The following PPARGC1A variants were observed in gnomAD, a reference collection of about 807,000 sequenced individuals.
PPARGC1A encodes the protein PPARG coactivator 1 alpha.
Under a neutral mutation model 88.7 loss-of-function variants are expected in PPARGC1A, and 25 were observed. The observed-to-expected ratio is 0.28, with a 90% CI of 0.21 to 0.39. The LOEUF (loss-of-function observed/expected upper bound fraction) is 0.39. PPARGC1A is among the 10% of genes least tolerant of loss of function. PPARGC1A has a pLI of 1.00. For synonymous variants in PPARGC1A, 363 were observed against 355.6 expected, an observed-to-expected ratio of 1.02 and a Z score of -0.24; for missense variants, 880 against 968.7, an observed-to-expected ratio of 0.91 and a Z score of 1.22.
the PPARGC1A span, among the ~76,000 whole-genome samples, chr4:23,927,281 A>G: frequency 6.6e-6 from 1 of 152,214 alleles, no homozygotes; most frequent in African/African-American, 2.4e-5. Flanking sequence ...CCACTTTTAC[A>G]CCATCATAAA....
the PPARGC1A span, among the ~76,000 whole-genome samples, chr4:23,975,748 C>T: frequency 2.0e-5 from 3 of 152,158 alleles, no homozygotes; most frequent in African/African-American, 7.2e-5. Context: ...AAGAGCATAA[C>T]AATAAATAGT....
Position 23,824,488 on chromosome 4 carries a change from G to A in PPARGC1A, c.778C>T (p.Leu260Phe). 1 of 1,607,566 alleles carries A rather than the reference G, an allele frequency of 6.2e-7. No homozygotes were observed. Among genetic ancestry groups the A allele is most frequent in the Non-Finnish European group, 8.5e-7 (1 of 1,175,156 alleles). The change falls in exon 6 of 13, where the codon CTT becomes TTT. Residue 260 changes from leucine (L) to phenylalanine (F), a missense_variant. Leu to Phe is a conservative substitution (Grantham distance 22). Transcript: ENST00000264867. ...HLQAKPTTLS[L>F]PLTPESPNDP... ...TTTGGTGACTCTGGGGTCAGAGGAA[G>A]AGATAAAGTTGTTGGTTTGGCTAAA...
chr4:24,077,792 CTGTTA>C, the PPARGC1A span, among the ~76,000 whole-genome samples: 3 of 151,936 alleles, frequency 2.0e-5, no homozygotes, highest in African/African-American at 7.2e-5. Flanking sequence ...TCCATTTTAT[CTGTTA>C]TATCTTTCTG....
At chr4:24,238,743 ATATGTGTGTGTG>A in the PPARGC1A span, among the ~76,000 whole-genome samples, 26 of 118,644 alleles carry the variant, frequency 2.2e-4, no homozygotes, top group African/African-American at 3.2e-4. Context: ...CCAAGGTTGT[ATATGTGTGTGTG>A]TGTGTGTGTG....
chr4:23,887,199 G>A (rs1293482989), intron 1 of PPARGC1A, among the ~76,000 whole-genome samples: 9 of 150,164 alleles, frequency 6.0e-5, no homozygotes, highest in Admixed American at 3.4e-4. Flanking sequence ...TTGTTCGCTC[G>A]TGCGCTCTCT....
the PPARGC1A span, among the ~76,000 whole-genome samples, chr4:24,343,217 A>G: frequency 6.6e-6 from 1 of 152,342 alleles, no homozygotes; most frequent in Non-Finnish European, 1.5e-5. Flanking sequence ...CATGGCAATC[A>G]ATTCAGGAAA....
chr4:23,893,589 T>C (rs73805849), upstream of PPARGC1A, among the ~76,000 whole-genome samples: 3,025 of 152,258 alleles, frequency 0.02, 101 homozygotes, highest in African/African-American at 0.068. Context: ...AGCAAGTTGC[T>C]AGTAAATTCC....
the PPARGC1A span, among the ~76,000 whole-genome samples, chr4:24,137,672 G>A: frequency 6.6e-6 from 1 of 152,158 alleles, no homozygotes; most frequent in Non-Finnish European, 1.5e-5. Flanking sequence ...AGCACAGTGG[G>A]CATAGAGAAT....
At chr4:24,051,947 A>T in the PPARGC1A span, among the ~76,000 whole-genome samples, 6 of 152,098 alleles carry the variant, frequency 3.9e-5, no homozygotes, top group Non-Finnish European at 5.9e-5. Context: ...AAAAAAAAAA[A>T]AAAACTAAAA....
chr4:23,813,521 A>G (rs1224426806), intron 8 of PPARGC1A, among the ~76,000 whole-genome samples, 169 bp downstream of exon 8: 1 of 152,236 alleles, frequency 6.6e-6, no homozygotes, highest in Non-Finnish European at 1.5e-5. Context: ...TTAAGAGAAC[A>G]TGGAGAGAGA....
the PPARGC1A span, among the ~76,000 whole-genome samples, chr4:23,910,133 A>T: frequency 1.0e-4 from 13 of 129,480 alleles, no homozygotes; most frequent in Admixed American, 2.9e-4. Flanking sequence ...ATATATAAAA[A>T]ATATATATCT....
At chr4:24,347,094 G>C in the PPARGC1A span, among the ~76,000 whole-genome samples, 1 of 152,106 alleles carries the variant, frequency 6.6e-6, no homozygotes. Flanking sequence ...TTTTGGAGTT[G>C]ATTTCCAGTT....
chr4:23,961,811 T>G, the PPARGC1A span, among the ~76,000 whole-genome samples: 6 of 152,304 alleles, frequency 3.9e-5, no homozygotes, highest in South Asian at 1.2e-3. Flanking sequence ...CGTGATGAGA[T>G]GCTCATCACA....
chr4:24,369,143 G>T, the PPARGC1A span, among the ~76,000 whole-genome samples: 1 of 152,150 alleles, frequency 6.6e-6, no homozygotes, highest in Non-Finnish European at 1.5e-5. Flanking sequence ...GGAGAAAAAA[G>T]ACTGGAAGAG....
the PPARGC1A span, among the ~76,000 whole-genome samples, chr4:24,384,063 A>G: frequency 6.6e-6 from 1 of 152,180 alleles, no homozygotes; most frequent in East Asian, 1.9e-4. Flanking sequence ...ACCAGAAGAG[A>G]GTGGGGGCCA....
chr4:24,319,825 G>T, the PPARGC1A span, among the ~76,000 whole-genome samples: 1 of 152,096 alleles, frequency 6.6e-6, no homozygotes, highest in African/African-American at 2.4e-5. Flanking sequence ...ACTATAAGAG[G>T]GATATGTTAC....
At chr4:24,085,985 A>C in the PPARGC1A span, among the ~76,000 whole-genome samples, 1 of 152,120 alleles carries the variant, frequency 6.6e-6, no homozygotes. Context: ...TGCTTCCAAC[A>C]GCTCTTGGCA....
the PPARGC1A span, among the ~76,000 whole-genome samples, chr4:24,048,019 T>C: frequency 1.3e-5 from 2 of 152,208 alleles, no homozygotes; most frequent in East Asian, 1.9e-4. Context: ...TAAGCATGTC[T>C]TTTGATGTGC....
the PPARGC1A span, among the ~76,000 whole-genome samples, chr4:24,109,298 TACACACACACACACACACACACAC>T: frequency 7.6e-6 from 1 of 131,800 alleles, no homozygotes; most frequent in Non-Finnish European, 1.6e-5. Context: ...CATTTCATTA[TACACACACACACACACACACACAC>T]ACACACACAC....
Sources: allele counts gnomAD v4.1 joint callset (sites outside exome capture counted in the v4.1 genomes callset), GRCh38; gene constraint gnomAD v4.1.1; transcripts MANE v1.5; gene names NCBI Gene and HGNC (gene_info 2026-07-23, HGNC 2026-07-21).